Variants in MUC4 observed in about 807,000 individuals in gnomAD.
MUC4 encodes the protein mucin 4, cell surface associated.
In MUC4, 202 loss-of-function variants were observed where a neutral mutation model predicts 257.9. The observed-to-expected ratio is 0.78, with a 90% CI of 0.70 to 0.88. The LOEUF is 0.88. Among genes scored for constraint, MUC4 ranks in the 40% least tolerant of loss-of-function variants. The pLI is 0.00. For missense variants in MUC4, 5,976 were observed against 6,513.7 expected, an observed-to-expected ratio of 0.92 and a Z score of 2.84; for synonymous variants, 2,351 against 2,757.1, an observed-to-expected ratio of 0.85 and a Z score of 4.62.
chr3:195,792,728 A>G (rs1197600240), intron 1 of MUC4, among the ~76,000 whole-genome samples: 1 of 152,230 alleles, frequency 6.6e-6, no homozygotes, highest in East Asian at 1.9e-4. Flanking sequence ...CATGAAACCA[A>G]CCCAAATGTC....
intron 5 of MUC4, 56 bp downstream of exon 5, chr3:195,771,596 T>C: frequency 1.9e-6 from 3 of 1,583,812 alleles, no homozygotes; most frequent in South Asian, 2.3e-5. Context: ...ACACAGCTCT[T>C]TGTCTCCCCT....
At position 195,770,248 on chromosome 3, in the gene MUC4, C is replaced by T; in HGVS notation, c.13366G>A (p.Ala4456Thr). 1.2e-6 allele frequency: 2 copies of T among 1,613,468 alleles called. No individual in the cohort carries two copies. The highest frequency in any genetic ancestry group is 2.2e-5 in the South Asian group (2 of 90,936). Residue 4456 changes from alanine (A) to threonine (T), a missense_variant, in exon 6 of 25, where the codon GCC (alanine) becomes ACC (threonine). Transcript: ENST00000463781. Reference sequence around the variant, plus strand: ...GTCCACTGGGCAGGATAGGCGTGGGCATTGACCCACGTGACCTTTAGGGCC... The same window carrying T: ...GTCCACTGGGCAGGATAGGCGTGGGTATTGACCCACGTGACCTTTAGGGCC... ...RWALKVTWVN[A>T]HAYPAQWTLG...
intron 5 of MUC4, chr3:195,770,600 C>T (rs894313959): frequency 8.5e-6 from 5 of 585,166 alleles, no homozygotes; most frequent in Non-Finnish European, 1.5e-5. Context: ...GCCCAGACGT[C>T]CAAGACCTCT....
rs1291504571 is a variant in MUC4 at position 195,785,424 on chromosome 3, G to T, written c.6156C>A (p.Thr2052=). ...STGQDTPLPV[T]SLSSVSTGDT... is the part of the protein sequence containing the mutation. ...CACCTGTGGATACTGAGGAAAGGCT[G>T]GTGACAGGAAGAGGGGTGTCCTGAC... Residue 2052 remains threonine, a synonymous_variant, in exon 2 of 25, where the codon ACC becomes ACA. Transcript: ENST00000463781. 2 of 1,512,484 alleles carry T rather than the reference G, an allele frequency of 1.3e-6. No homozygotes were observed. The highest frequency in any genetic ancestry group is 1.8e-6 in the Non-Finnish European group (2 of 1,121,620). 93.7% of individuals were successfully genotyped at this position (1,512,484 alleles called of 1,614,324 possible). A position where few individuals can be genotyped will look rare whatever the true frequency, so the allele number is the denominator to read the frequency against.
At chr3:195,794,920 G>A (rs1314176000) in intron 1 of MUC4, among the ~76,000 whole-genome samples, 1 of 152,202 alleles carries the variant, frequency 6.6e-6, no homozygotes, top group Non-Finnish European at 1.5e-5. Flanking sequence ...CTTGTAAACC[G>A]ACGTGGACAA....
chr3:195,809,131 T>C lies in MUC4; in HGVS notation c.82+2605A>G, dbSNP rs1226561635. ...TGGGGCGACCAGTAGACACCAAATT[T>C]CCATCTGTCCTTGTCTAGCCCACCT... On this transcript the variant is annotated intron_variant, in intron 1 of 24. Coordinates refer to ENST00000463781, the MANE Select transcript of MUC4 (RefSeq NM_018406.7). Among the ~76,000 whole-genome samples, 8 of 152,200 alleles carry C rather than the reference T, an allele frequency of 5.3e-5. No individual in the cohort carries two copies. The South Asian group carries it at 8.3e-4, about 16-fold the overall frequency.
intron 1 of MUC4, among the ~76,000 whole-genome samples, chr3:195,806,774 G>C (rs943880289): frequency 5.9e-5 from 9 of 152,196 alleles, no homozygotes; most frequent in African/African-American, 2.2e-4. Context: ...TGGGTTCTAT[G>C]ATCTTAAACA....
At position 195,747,336 on chromosome 3, in the gene MUC4, TCA is replaced by T. The variant is rs1715237607; in HGVS notation, c.16077_16078del (p.Cys5359Ter). On this transcript the variant is annotated stop_gained and frameshift_variant, in exon 25 of 25. Transcript: ENST00000463781. LOFTEE classifies it low-confidence loss of function (END_TRUNC). ...CGCGTCGAGTTTCATGCTCAGGTGC[TCA>T]CAGTGCTCGCCCCAGGCCGTGTAGA... The T allele has an allele frequency of 1.2e-6, 2 of 1,614,056 alleles. No homozygotes were observed. Among genetic ancestry groups the T allele is most frequent in the Admixed American group, 1.7e-5 (1 of 60,030 alleles).
chr3:195,791,436 G>A lies in MUC4; in HGVS notation c.144C>T (p.Gly48=). 5 of 1,613,984 alleles carry A rather than the reference G, an allele frequency of 3.1e-6. No homozygotes were observed. Among genetic ancestry groups the A allele is most frequent in the Non-Finnish European group, 4.2e-6 (5 of 1,179,894 alleles). The change falls in exon 2 of 25, where the codon GGC becomes GGT. Residue 48 remains glycine, a synonymous_variant. Coordinates refer to ENST00000463781, the MANE Select transcript of MUC4 (RefSeq NM_018406.7). The part of the protein sequence containing the change: ...SKTAAPVTST[G]STTATLEGQS... ...GTCCCTCTAGTGTCGCTGTTGTTGA[G>A]CCTGTTGAGGTGACTGGGGCAGCAG...
intron 17 of MUC4, among the ~76,000 whole-genome samples, chr3:195,758,671 T>C (rs1447611063): frequency 1.3e-5 from 2 of 149,962 alleles, no homozygotes; most frequent in Admixed American, 1.3e-4. Context: ...CAAGCGATTC[T>C]CCTGCCTCAG....
In MUC4 at chr3:195,763,648, G is replaced by A. The variant is rs1560249860; in HGVS notation, c.14045-7C>T. 2 of 1,503,330 alleles carry A rather than the reference G, an allele frequency of 1.3e-6. No homozygotes were observed. Among genetic ancestry groups the A allele is most frequent in the Admixed American group, 2.2e-5 (1 of 46,304 alleles). The allele number at this position is 1,503,330 out of a possible 1,614,324, so 93.1% of individuals were successfully genotyped here. On this transcript the variant is annotated splice_region_variant and splice_polypyrimidine_tract_variant and intron_variant, in intron 11 of 24. Coordinates refer to ENST00000463781, the MANE Select transcript of MUC4 (RefSeq NM_018406.7). ...GGGTCCCCGAACATCCAGGCTGGAA[G>A]GAAAAAAGAGATGCTGCCTCAGCAT...
Position 195,780,158 on chromosome 3 carries a change from G to C in MUC4, c.11422C>G (p.Pro3808Ala), listed in dbSNP as rs75540120. 7.3e-5 allele frequency: 107 copies of C among 1,473,468 alleles called. No homozygotes were observed. In the African/African-American group the frequency reaches 1.3e-3, roughly 18 times the overall value. The allele number at this position is 1,473,468 out of a possible 1,614,324, so 91.3% of individuals were successfully genotyped here. A position where few individuals can be genotyped will look rare whatever the true frequency, so the allele number is the denominator to read the frequency against. ...TSSASTGQATPLPVTSLSSVS... is the reference protein window; with the variant it reads ...TSSASTGQATALPVTSLSSVS... ...GAGGAAAGGCTGGTGACAGGAAGAGGGGTGGCCTGACCTGTGGATGCTGAG... is the reference window on the plus strand; with the variant it reads ...GAGGAAAGGCTGGTGACAGGAAGAGCGGTGGCCTGACCTGTGGATGCTGAG... Residue 3808 changes from proline to alanine, a missense_variant, in exon 2 of 25, where the codon CCT becomes GCT. Transcript: ENST00000463781.
At position 195,789,310 on chromosome 3, in the gene MUC4, G is replaced by T. The variant is rs778645059; in HGVS notation, c.2270C>A (p.Ser757Ter). Residue 757 changes from serine (S) to a stop codon, truncating the protein, a stop_gained, in exon 2 of 25, where the codon TCA (serine) becomes TAA (stop). Transcript: ENST00000463781. LOFTEE classifies it high-confidence loss of function. Reference protein sequence around the residue: ...TPGGPEGQWTSASASTSPDTA... With the variant: ...TPGGPEGQWT ...GTCAGGTGAGGTGCTGGCAGAGGCT[G>T]ATGTCCATTGTCCTTCTGGGCCCCC... The T allele has an allele frequency of 6.2e-7, 1 of 1,613,900 alleles. No homozygotes were observed. The highest frequency in any genetic ancestry group is 8.5e-7 in the Non-Finnish European group (1 of 1,179,852).
chr3:195,753,848 A>G (rs1485662190), intron 19 of MUC4: 1 of 252,220 alleles, frequency 4.0e-6, no homozygotes, highest in Non-Finnish European at 7.5e-6. Flanking sequence ...GATCCCGAGG[A>G]CCCAGCTTGC....
chr3:195,794,375 G>GAGAGAGAGAGAGAAGAA lies in MUC4; in HGVS notation c.83-2879_83-2878insTTCTTCTCTCTCTCTCT, dbSNP rs1560409429. Among the ~76,000 whole-genome samples, 234 of 90,908 alleles carry GAGAGAGAGAGAGAAGAA rather than the reference G, an allele frequency of 2.6e-3. 4 individuals are homozygous for GAGAGAGAGAGAGAAGAA. The highest frequency in any genetic ancestry group is 0.011 in the African/African-American group (230 of 20,590). The allele number at this position is 90,908 out of a possible 152,430, so 59.6% of individuals were successfully genotyped here. On this transcript the variant is annotated intron_variant, in intron 1 of 24. Coordinates refer to ENST00000463781, the MANE Select transcript of MUC4 (RefSeq NM_018406.7). ...TTTTCTTTTTAAACATATATATATA[G>GAGAGAGAGAGAGAAGAA]AGAGAGAGAGAGAGAGAAGAAAGAG...
chr3:195,765,343 G>A lies in MUC4; in HGVS notation c.13725C>T (p.Gly4575=). ...AACAAGGGCAGGAGACCTGGTTCCA[G>A]CCCCAGCTGGGCCACCGAGGCTGGC... ...LKSQPRWPSW[G]WNQVSCPCSW... The change falls in exon 9 of 25, where the codon GGC becomes GGT. Residue 4575 remains glycine, a synonymous_variant. Transcript: ENST00000463781. The A allele has an allele frequency of 6.2e-7, 1 of 1,613,792 alleles. No individual in the cohort carries two copies. The highest frequency in any genetic ancestry group is 8.5e-7 in the Non-Finnish European group (1 of 1,180,024).
At chr3:195,748,755 G>A (rs1715699436) in intron 24 of MUC4, 147 bp downstream of exon 24, 4 of 1,086,316 alleles carry the variant, frequency 3.7e-6, no homozygotes, top group East Asian at 2.7e-5. Flanking sequence ...ACACAGAGCA[G>A]GCACTCACAA....
chr3:195,790,100 TG>T lies in MUC4; in HGVS notation c.1479del (p.Ser494AlafsTer46), dbSNP rs767273786. The T allele has an allele frequency of 2.5e-6, 4 of 1,614,052 alleles. No homozygotes were observed. Among genetic ancestry groups the T allele is most frequent in the Admixed American group, 1.7e-5 (1 of 60,026 alleles). ...HETTTWPSSF[S>X]SKGHTTWSQT... Reference sequence around the variant, plus strand: ...TGTGACCAAGTTGTGTGGCCTTTGCTGGAGAATGAGGAAGGCCATGTTGTTG... The same window carrying T: ...TGTGACCAAGTTGTGTGGCCTTTGCTGAGAATGAGGAAGGCCATGTTGTTG... On this transcript the variant is annotated frameshift_variant, in exon 2 of 25. Coordinates refer to ENST00000463781, the MANE Select transcript of MUC4 (RefSeq NM_018406.7). LOFTEE classifies it high-confidence loss of function.
intron 4 of MUC4, among the ~76,000 whole-genome samples, chr3:195,773,851 T>TCTTC (rs1723740054): frequency 6.6e-6 from 1 of 152,240 alleles, no homozygotes; most frequent in Admixed American, 6.5e-5. Flanking sequence ...TCCCTCCAAC[T>TCTTC]CTGCTCCAGG....
Sources: allele counts gnomAD v4.1 joint callset (sites outside exome capture counted in the v4.1 genomes callset), GRCh38; gene constraint gnomAD v4.1.1; transcripts MANE v1.5; gene names NCBI Gene and HGNC (gene_info 2026-07-23, HGNC 2026-07-21).